SPTLC2: variants seen among roughly 807,000 people sequenced by gnomAD.
SPTLC2 encodes serine palmitoyltransferase 2.
Under a neutral mutation model 62.0 loss-of-function variants are expected in SPTLC2, and 21 were observed. The ratio of observed to expected loss-of-function variants is 0.34; its 90% CI spans 0.24 to 0.49. SPTLC2 has a LOEUF of 0.49. Ranked by LOEUF, SPTLC2 falls within the 20% of genes least tolerant of loss-of-function variation. The pLI, the probability that SPTLC2 is intolerant of heterozygous loss-of-function variation, is 0.99. For missense variants in SPTLC2, 511 were observed against 713.0 expected, an observed-to-expected ratio of 0.72 and a Z score of 3.23; for synonymous variants, 261 against 261.8, an observed-to-expected ratio of 1.00 and a Z score of 0.03.
At chr14:77,606,239 A>G (rs1473633040) in intron 1 of SPTLC2, among the ~76,000 whole-genome samples, 1 of 152,246 alleles carries the variant, frequency 6.6e-6, no homozygotes, top group Admixed American at 6.5e-5. Context: ...CTGAGGCAGG[A>G]GAGCCGCTTG....
Position 77,571,938 on chromosome 14 carries a change from G to A in SPTLC2, c.632-1430C>T, listed in dbSNP as rs1046734857. Reference sequence around the variant, plus strand: ...CCCAAGTAGCCGGGATTACAGGTGCGGACCACCACGCCTGACTATTTTGTA... The same window carrying A: ...CCCAAGTAGCCGGGATTACAGGTGCAGACCACCACGCCTGACTATTTTGTA... On this transcript the variant is annotated intron_variant, in intron 4 of 11. Transcript: ENST00000216484. Among the ~76,000 whole-genome samples, 7 of 149,476 alleles carry A rather than the reference G, an allele frequency of 4.7e-5. 1 individual carries two copies. The South Asian group carries it at 8.6e-4, about 18-fold the overall frequency.
At chr14:77,529,910 C>T in intron 9 of SPTLC2, among the ~76,000 whole-genome samples, 1 of 152,032 alleles carries the variant, frequency 6.6e-6, no homozygotes, top group Non-Finnish European at 1.5e-5. Context: ...GGGAATATTA[C>T]ATTTTGCTTT....
chr14:77,586,069 TTC>T lies in SPTLC2; in HGVS notation c.328-6962_328-6961del, dbSNP rs1358760717. Among the ~76,000 whole-genome samples the T allele has an allele frequency of 8.4e-3, 876 of 104,790 alleles. 19 individuals carry two copies. The highest frequency in any genetic ancestry group is 0.025 in the African/African-American group (825 of 33,256). 68.7% of individuals were successfully genotyped at this position (104,790 alleles called of 152,430 possible). On this transcript the variant is annotated intron_variant, in intron 2 of 11. Transcript: ENST00000216484. ...GACAACGATGAACGTGATAAATTTT[TTC>T]TTTTTTCTTTTTTTTTTTTTTTGAG...
At chr14:77,602,258 T>C (rs2079882080) in intron 1 of SPTLC2, among the ~76,000 whole-genome samples, 1 of 152,192 alleles carries the variant, frequency 6.6e-6, no homozygotes, top group Non-Finnish European at 1.5e-5. Flanking sequence ...GCCTTCTACA[T>C]AGCTCCACTT....
At chr14:77,544,697 C>T (rs769215425) in intron 9 of SPTLC2, among the ~76,000 whole-genome samples, 1 of 152,178 alleles carries the variant, frequency 6.6e-6, no homozygotes, top group Non-Finnish European at 1.5e-5. Flanking sequence ...TCTCCTTTGA[C>T]CAAACTTGAG....
chr14:77,544,752 G>A (rs1411162249), intron 9 of SPTLC2, among the ~76,000 whole-genome samples: 3 of 152,118 alleles, frequency 2.0e-5, no homozygotes, highest in East Asian at 1.9e-4. Context: ...CTGACGTTGC[G>A]CCTCCTTCTC....
intron 2 of SPTLC2, among the ~76,000 whole-genome samples, chr14:77,591,150 G>A (rs1479965543): frequency 1.3e-5 from 2 of 152,198 alleles, no homozygotes; most frequent in East Asian, 3.8e-4. Flanking sequence ...AAGCAATGAA[G>A]TACCGATACA....
intron 9 of SPTLC2, among the ~76,000 whole-genome samples, chr14:77,543,252 T>C (rs977445113): frequency 6.6e-5 from 10 of 152,140 alleles, no homozygotes; most frequent in Non-Finnish European, 1.0e-4. Flanking sequence ...GTTTCACTAC[T>C]ATGTTGGCCA....
chr14:77,555,538 AT>A lies in SPTLC2; in HGVS notation c.957-20del. ...CTCCATGCTGGCAAAACATGAAAAA[AT>A]ATATATATACACATATACACTGAGA... On this transcript the variant is annotated intron_variant, in intron 7 of 11. Coordinates refer to ENST00000216484, the MANE Select transcript of SPTLC2 (RefSeq NM_004863.4). The A allele has an allele frequency of 6.2e-7, 1 of 1,608,108 alleles. No individual in the cohort carries two copies. The highest frequency in any genetic ancestry group is 8.5e-7 in the Non-Finnish European group (1 of 1,175,118).
In SPTLC2 at chr14:77,521,432, G is replaced by C. The variant is rs1444084062; in HGVS notation, c.1439+14C>G. 1 of 1,614,112 alleles carries C rather than the reference G, an allele frequency of 6.2e-7. No individual in the cohort carries two copies. The highest frequency in any genetic ancestry group is 8.5e-7 in the Non-Finnish European group (1 of 1,180,010). On this transcript the variant is annotated intron_variant, in intron 10 of 11. Transcript: ENST00000216484. Reference sequence around the variant, plus strand: ...ATAAGGACAGACTGGTCTGTGATCTGCAACAAAACGTACCCAATTTTGGCA... The same window carrying C: ...ATAAGGACAGACTGGTCTGTGATCTCCAACAAAACGTACCCAATTTTGGCA...
intron 6 of SPTLC2, among the ~76,000 whole-genome samples, chr14:77,561,290 G>T (rs1016080746): frequency 6.6e-6 from 1 of 152,110 alleles, no homozygotes; most frequent in Non-Finnish European, 1.5e-5. Context: ...AGAGTTACAT[G>T]TAATGACAAA....
intron 5 of SPTLC2, 119 bp downstream of exon 5, chr14:77,570,265 T>A: frequency 2.5e-6 from 3 of 1,194,108 alleles, no homozygotes; most frequent in Non-Finnish European, 3.6e-6. Flanking sequence ...GGTAGAAATA[T>A]CTTTGGCTAA....
intron 1 of SPTLC2, among the ~76,000 whole-genome samples, chr14:77,612,607 C>G (rs2079943913): frequency 6.6e-6 from 1 of 152,214 alleles, no homozygotes; most frequent in Non-Finnish European, 1.5e-5. Flanking sequence ...CTAACTATTT[C>G]TACTGTTCTA....
intron 10 of SPTLC2, among the ~76,000 whole-genome samples, chr14:77,520,406 G>A (rs763301663): frequency 6.6e-5 from 10 of 151,964 alleles, no homozygotes; most frequent in Non-Finnish European, 1.5e-4. Flanking sequence ...ATTCATTTCA[G>A]TAAACATTTA....
At chr14:77,607,986 G>A (rs1323049002) in intron 1 of SPTLC2, among the ~76,000 whole-genome samples, 5 of 152,176 alleles carry the variant, frequency 3.3e-5, no homozygotes, top group Non-Finnish European at 7.3e-5. Context: ...AAGAGCAGAG[G>A]AAAGAGCTGA....
At chr14:77,570,866 T>C (rs2079678081) in intron 4 of SPTLC2, among the ~76,000 whole-genome samples, 1 of 148,040 alleles carries the variant, frequency 6.8e-6, no homozygotes, top group Non-Finnish European at 1.5e-5. Flanking sequence ...TGTAAAACAA[T>C]CTAACTGGCC....
At chr14:77,593,312 T>C (rs2079828744) in intron 2 of SPTLC2, among the ~76,000 whole-genome samples, 1 of 152,130 alleles carries the variant, frequency 6.6e-6, no homozygotes, top group Non-Finnish European at 1.5e-5. Context: ...CTGAATTAAA[T>C]TTTTTCATTT....
At chr14:77,602,987 T>A (rs748479429) in intron 1 of SPTLC2, among the ~76,000 whole-genome samples, 97 of 152,166 alleles carry the variant, frequency 6.4e-4, no homozygotes, top group Non-Finnish European at 1.2e-3. Flanking sequence ...GAAAATTTTT[T>A]AAAAATAATT....
At chr14:77,575,475 T>C (rs1355677340) in intron 4 of SPTLC2, among the ~76,000 whole-genome samples, 1 of 152,200 alleles carries the variant, frequency 6.6e-6, no homozygotes, top group African/African-American at 2.4e-5. Context: ...GAGGCATAAA[T>C]GATACTTTGG....
Sources: allele counts gnomAD v4.1 joint callset (sites outside exome capture counted in the v4.1 genomes callset), GRCh38; gene constraint gnomAD v4.1.1; transcripts MANE v1.5; gene names NCBI Gene and HGNC (gene_info 2026-07-23, HGNC 2026-07-21).